Variants in CHMP1A observed in about 807,000 individuals in gnomAD.
The protein encoded by CHMP1A is charged multivesicular body protein 1A.
In CHMP1A, 17 loss-of-function variants were observed where a neutral mutation model predicts 27.0. The ratio of observed to expected loss-of-function variants is 0.63; its 90% CI spans 0.43 to 0.95. The LOEUF (loss-of-function observed/expected upper bound fraction) is 0.95, where lower values mean the gene tolerates loss of function less well. Ranked by LOEUF, CHMP1A falls within the 40% of genes least tolerant of loss-of-function variation. The probability of loss-of-function intolerance (pLI) is 0.00; values close to 1 mark genes in which losing one functional copy is unlikely to be tolerated. For missense variants in CHMP1A, 275 were observed against 264.0 expected (o/e 1.04, Z -0.29); for synonymous variants, 131 against 107.5 (o/e 1.22, Z -1.35).
intron 2 of CHMP1A, 24 bp from the exon 3 acceptor site, chr16:89,651,670 G>C: frequency 1.2e-6 from 2 of 1,612,306 alleles, no homozygotes; most frequent in Non-Finnish European, 1.7e-6. Context: ...GGAATGTCCT[G>C]GGTCAGACAT....
chr16:89,650,827 G>A (rs1365713567), intron 3 of CHMP1A, among the ~76,000 whole-genome samples: 1 of 151,434 alleles, frequency 6.6e-6, no homozygotes, highest in Non-Finnish European at 1.5e-5. Flanking sequence ...ATAGGATCGT[G>A]GCAGACAGCT....
At chr16:89,649,904 G>T (rs1466751512) in intron 3 of CHMP1A, among the ~76,000 whole-genome samples, 1 of 151,558 alleles carries the variant, frequency 6.6e-6, no homozygotes, top group Non-Finnish European at 1.5e-5. Context: ...GGCGGTGGGC[G>T]GGCCTCTCCC....
chr16:89,656,787 A>ACATTCCAAGTCCCGAAAGGCC (rs1230551606), intron 1 of CHMP1A, among the ~76,000 whole-genome samples: 3 of 151,950 alleles, frequency 2.0e-5, no homozygotes, highest in Admixed American at 1.3e-4. Flanking sequence ...CTCTGACCCG[A>ACATTCCAAGTCCCGAAAGGCC]CATTCCAAGT....
intron 5 of CHMP1A, chr16:89,646,932 G>T: frequency 1.3e-6 from 1 of 773,320 alleles, no homozygotes; most frequent in Non-Finnish European, 1.9e-6. Context: ...CTGCTGCCGC[G>T]GGTGGACATC....
intron 6 of CHMP1A, among the ~76,000 whole-genome samples, 155 bp downstream of exon 6, chr16:89,646,372 G>C (rs982698131): frequency 1.3e-5 from 2 of 152,242 alleles, no homozygotes; most frequent in African/African-American, 4.8e-5. Context: ...TCGCTTGGGG[G>C]CGGCTGCAGC....
intron 4 of CHMP1A, 124 bp downstream of exon 4, chr16:89,649,227 A>G (rs1329760972): frequency 1.8e-6 from 2 of 1,125,132 alleles, no homozygotes; most frequent in Non-Finnish European, 2.4e-6. Context: ...GCTTCCCTCA[A>G]CCTCCCCACC....
intron 5 of CHMP1A, 39 bp downstream of exon 5, chr16:89,647,161 CCTT>C (rs763933064): frequency 6.2e-7 from 1 of 1,600,352 alleles, no homozygotes; most frequent in Non-Finnish European, 8.5e-7. Context: ...CACACACGCT[CCTT>C]GTCCCCAGGC....
intron 3 of CHMP1A, 51 bp from the exon 4 acceptor site, chr16:89,649,548 C>A (rs1277689592): frequency 2.9e-5 from 47 of 1,604,594 alleles, no homozygotes; most frequent in Non-Finnish European, 3.0e-5. Context: ...TGTGTGTGCC[C>A]CCTGCTAGGA....
Position 89,649,405 on chromosome 16 carries a change from C to A in CHMP1A, c.198G>T (p.Ala66=). Residue 66 remains alanine (A), a synonymous_variant, in exon 4 of 7, where the codon GCG becomes GCT. Coordinates refer to ENST00000397901, the MANE Select transcript of CHMP1A (RefSeq NM_002768.5). ...TGGAGGCCACTGCGTCTACGCGGGA[C>A]GCCATCCGAAGCCAGTTCACACCTT... ...KNEGVNWLRM[A]SRVDAVASKV... 6.2e-7 allele frequency: 1 copy of A among 1,613,706 alleles called. No individual in the cohort carries two copies. The highest frequency in any genetic ancestry group is 8.5e-7 in the Non-Finnish European group (1 of 1,179,878).
chr16:89,656,365 C>G (rs1328639248), intron 1 of CHMP1A, among the ~76,000 whole-genome samples: 2 of 151,458 alleles, frequency 1.3e-5, no homozygotes, highest in African/African-American at 4.8e-5. Flanking sequence ...TCTCGATCTC[C>G]TGACCTTGCG....
At position 89,644,463 on chromosome 16, in the gene CHMP1A, A is replaced by G. The variant is rs569880564; in HGVS notation, c.*1603T>C. On this transcript the variant is annotated 3_prime_UTR_variant, in exon 7 of 7. Coordinates refer to ENST00000397901, the MANE Select transcript of CHMP1A (RefSeq NM_002768.5). ...CCAGGGATCCATTTGTTTATTTACAACAGCATTCTAGGAGAAAGGTGAATG... is the reference window on the plus strand; with the variant it reads ...CCAGGGATCCATTTGTTTATTTACAGCAGCATTCTAGGAGAAAGGTGAATG... 8 of 152,272 alleles carry G rather than the reference A, an allele frequency of 5.3e-5. No individual in the cohort carries two copies. The highest frequency in any genetic ancestry group is 1.9e-4 in the African/African-American group (8 of 41,558). The allele number at this position is 152,272 out of a possible 1,614,324, so 9.4% of individuals were successfully genotyped here.
intron 3 of CHMP1A, among the ~76,000 whole-genome samples, chr16:89,650,779 C>T (rs1323303456): frequency 6.6e-6 from 1 of 151,116 alleles, no homozygotes; most frequent in Admixed American, 6.7e-5. Context: ...GCACTCCAGC[C>T]TGGGCAACAG....
At chr16:89,646,130 G>A in intron 6 of CHMP1A, 43 bp from the exon 7 acceptor site, 3 of 1,504,836 alleles carry the variant, frequency 2.0e-6, no homozygotes, top group Non-Finnish European at 2.7e-6. Flanking sequence ...AGGGGAAGGG[G>A]GCCTCTGACC....
intron 1 of CHMP1A, among the ~76,000 whole-genome samples, chr16:89,655,693 T>C (rs1004806001): frequency 6.6e-6 from 1 of 152,094 alleles, no homozygotes; most frequent in Non-Finnish European, 1.5e-5. Flanking sequence ...CGGCACCATC[T>C]TGGCTCACTG....
chr16:89,646,427 G>T, intron 6 of CHMP1A, 100 bp downstream of exon 6: 1 of 1,306,440 alleles, frequency 7.7e-7, no homozygotes, highest in Non-Finnish European at 1.0e-6. Flanking sequence ...CGGAGCCTCA[G>T]CCCAAGCTCT....
rs1194054143 is a variant in CHMP1A at position 89,644,749 on chromosome 16, CG to C, written c.*1316del. ...ACGTCAGGGTCTCCACGTTCCTGCACGTAACACCCACGACACCACTGCAGCC... is the reference window on the plus strand; with the variant it reads ...ACGTCAGGGTCTCCACGTTCCTGCACTAACACCCACGACACCACTGCAGCC... On this transcript the variant is annotated 3_prime_UTR_variant, in exon 7 of 7. Coordinates refer to ENST00000397901, the MANE Select transcript of CHMP1A (RefSeq NM_002768.5). 3.3e-5 allele frequency: 5 copies of C among 152,510 alleles called. No individual in the cohort carries two copies. The highest frequency in any genetic ancestry group is 1.2e-4 in the African/African-American group (5 of 41,572). 9.4% of individuals were successfully genotyped at this position (152,510 alleles called of 1,614,324 possible). A position where few individuals can be genotyped will look rare whatever the true frequency, so the allele number is the denominator to read the frequency against.
chr16:89,651,759 C>T (rs910527889), intron 2 of CHMP1A, 113 bp from the exon 3 acceptor site: 4 of 1,018,468 alleles, frequency 3.9e-6, no homozygotes, highest in African/African-American at 1.6e-5. Context: ...GTTCCTAAGC[C>T]CCCATCAGCC....
intron 5 of CHMP1A, 172 bp downstream of exon 5, chr16:89,647,031 C>G: frequency 6.6e-7 from 1 of 1,522,150 alleles, no homozygotes; most frequent in Non-Finnish European, 8.8e-7. Flanking sequence ...CCTGCCCACC[C>G]TACCTGTCAG....
At chr16:89,653,967 G>C (rs1597791753) in intron 1 of CHMP1A, 44 bp from the exon 2 acceptor site, 1 of 1,603,648 alleles carries the variant, frequency 6.2e-7, no homozygotes, top group African/African-American at 1.3e-5. Context: ...TTGGGAATGG[G>C]ACGTTACACT....
Sources: gnomAD v4.1 joint callset for allele counts (sites outside exome capture counted in the v4.1 genomes callset) on GRCh38, gnomAD v4.1.1 for gene constraint, MANE v1.5 for transcripts, NCBI Gene and HGNC (gene_info 2026-07-23, HGNC 2026-07-21) for gene names.